The following DNAH9 variants were observed in gnomAD, a reference collection of about 807,000 sequenced individuals.
DNAH9 encodes the protein DNAH9 variant protein.
In DNAH9, 345 loss-of-function variants were observed where a neutral mutation model predicts 471.6. The observed-to-expected ratio is 0.73, with a 90% CI of 0.67 to 0.80. DNAH9 has a LOEUF of 0.80. Among genes scored for constraint, DNAH9 ranks in the 30% least tolerant of loss-of-function variants. DNAH9 has a pLI of 0.00. For missense variants in DNAH9, 5,407 were observed against 5,609.2 expected (o/e 0.96, Z 1.15); for synonymous variants, 2,093 against 2,123.6 (o/e 0.99, Z 0.40).
chr17:11,807,984 T>A, intron 44 of DNAH9, 90 bp downstream of exon 44: 1 of 1,383,714 alleles, frequency 7.2e-7, no homozygotes, highest in East Asian at 2.4e-5. Context: ...CCAGTTCCCC[T>A]GTCTGGAGCC....
At chr17:11,637,424 C>T (rs189338720) in intron 9 of DNAH9, among the ~76,000 whole-genome samples, 10 of 152,140 alleles carry the variant, frequency 6.6e-5, no homozygotes, top group Non-Finnish European at 8.8e-5. Flanking sequence ...GAGTGCTGCT[C>T]GGCTTGAGTT....
chr17:11,733,534 G>A (rs573135552), intron 28 of DNAH9, among the ~76,000 whole-genome samples: 18 of 152,272 alleles, frequency 1.2e-4, no homozygotes, highest in East Asian at 1.2e-3. Context: ...ACCACTGGAC[G>A]TCAGGGCTGG....
chr17:11,701,222 A>T lies in DNAH9; in HGVS notation c.5126A>T (p.Gln1709Leu). The T allele has an allele frequency of 1.2e-6, 2 of 1,613,808 alleles. No individual in the cohort carries two copies. Among genetic ancestry groups the T allele is most frequent in the Non-Finnish European group, 1.7e-6 (2 of 1,179,984 alleles). ...VTAYEEKPREQWLFDHPAQVA... is the reference protein window; with the variant it reads ...VTAYEEKPRELWLFDHPAQVA... ...GCCTATGAAGAAAAGCCGAGGGAGC[A>T]GTGGCTTTTTGACCACCCAGCTCAG... is the stretch of plus-strand genomic sequence containing the variant. Residue 1709 changes from glutamine to leucine, a missense_variant, in exon 24 of 69, where the codon CAG (glutamine) becomes CTG (leucine). This residue lies in a region of DNAH9 where 4,636 missense variants were observed against 4,900.3 expected (regional missense o/e 0.95). Coordinates refer to ENST00000262442, the MANE Select transcript of DNAH9 (RefSeq NM_001372.4).
chr17:11,768,393 C>A, intron 36 of DNAH9, 60 bp from the exon 37 acceptor site: 1 of 1,557,308 alleles, frequency 6.4e-7, no homozygotes, highest in Non-Finnish European at 8.8e-7. Flanking sequence ...GCCGTGGCCT[C>A]CTGTGTGGGC....
chr17:11,918,018 G>T (rs539621962), intron 61 of DNAH9, among the ~76,000 whole-genome samples: 4 of 152,134 alleles, frequency 2.6e-5, no homozygotes, highest in Non-Finnish European at 2.9e-5. Context: ...TGTGTATCCC[G>T]CCTTTGTCTT....
intron 9 of DNAH9, among the ~76,000 whole-genome samples, chr17:11,640,038 A>C (rs2073240507): frequency 6.6e-6 from 1 of 152,180 alleles, no homozygotes; most frequent in African/African-American, 2.4e-5. Context: ...GAGCAATGAA[A>C]TCAGAATAGC....
chr17:11,885,161 C>G (rs1972841509), intron 56 of DNAH9, among the ~76,000 whole-genome samples: 1 of 152,170 alleles, frequency 6.6e-6, no homozygotes, highest in African/African-American at 2.4e-5. Context: ...TAGGGCCTGG[C>G]CCTCTAAGGA....
At chr17:11,733,684 C>T (rs982293465) in intron 28 of DNAH9, among the ~76,000 whole-genome samples, 4 of 151,868 alleles carry the variant, frequency 2.6e-5, no homozygotes, top group Non-Finnish European at 4.4e-5. Context: ...AGTGAAACCC[C>T]GTCTCTACTA....
At chr17:11,697,139 G>A (rs1489601912) in intron 22 of DNAH9, among the ~76,000 whole-genome samples, 1 of 152,210 alleles carries the variant, frequency 6.6e-6, no homozygotes, top group Admixed American at 6.5e-5. Flanking sequence ...TTATAGGCAT[G>A]AGCCACCAGA....
At chr17:11,601,842 G>C (rs924185478) in intron 1 of DNAH9, among the ~76,000 whole-genome samples, 2 of 152,138 alleles carry the variant, frequency 1.3e-5, no homozygotes, top group African/African-American at 4.8e-5. Flanking sequence ...GAACCTACCT[G>C]GCTGAGAGAC....
chr17:11,804,187 A>G (rs1283562079), intron 43 of DNAH9, among the ~76,000 whole-genome samples: 1 of 152,264 alleles, frequency 6.6e-6, no homozygotes, highest in Non-Finnish European at 1.5e-5. Context: ...ATAAGACAGT[A>G]TAAGTTTCAC....
intron 28 of DNAH9, among the ~76,000 whole-genome samples, chr17:11,734,178 A>G (rs1387386420): frequency 6.6e-6 from 1 of 152,110 alleles, no homozygotes; most frequent in Non-Finnish European, 1.5e-5. Context: ...GCTTGTTAGA[A>G]ATGCAGAGTC....
rs111668827 is a variant in DNAH9, at chr17:11,757,318, GA to G, written c.6848-225del. Among the ~76,000 whole-genome samples, 779 of 152,178 alleles carry G rather than the reference GA, an allele frequency of 5.1e-3. 5 individuals carry two copies. Among genetic ancestry groups the G allele is most frequent in the African/African-American group, 0.018 (762 of 41,504 alleles). ...GGTTGGGCATTCTCCTAGCTTTTGA[GA>G]ATCTCTCTAGGATTCTCAAAGCTGC... is the stretch of plus-strand genomic sequence containing the variant. On this transcript the variant is annotated intron_variant, in intron 34 of 68. Coordinates refer to ENST00000262442, the MANE Select transcript of DNAH9 (RefSeq NM_001372.4).
At chr17:11,914,540 A>T (rs2151021995) in intron 61 of DNAH9, among the ~76,000 whole-genome samples, 1 of 152,316 alleles carries the variant, frequency 6.6e-6, no homozygotes, top group East Asian at 1.9e-4. Context: ...GACTCATGAG[A>T]AGTAAAAATT....
chr17:11,760,455 C>CT (rs1229157445), intron 35 of DNAH9, among the ~76,000 whole-genome samples: 1 of 152,130 alleles, frequency 6.6e-6, no homozygotes, highest in Non-Finnish European at 1.5e-5. Context: ...AGAGGCAACT[C>CT]TCCCCCGAAC....
chr17:11,648,154 A>G (rs1346343833), intron 12 of DNAH9, among the ~76,000 whole-genome samples: 1 of 152,218 alleles, frequency 6.6e-6, no homozygotes, highest in African/African-American at 2.4e-5. Context: ...CTAAGCTAAA[A>G]GCAGTCACCT....
chr17:11,766,845 C>T (rs1967961950), intron 36 of DNAH9, among the ~76,000 whole-genome samples: 1 of 152,068 alleles, frequency 6.6e-6, no homozygotes, highest in South Asian at 2.1e-4. Flanking sequence ...TGGCGGGTGC[C>T]TGTAATCCCA....
At chr17:11,930,608 C>CACCTGGAA (rs1974474549) in intron 63 of DNAH9, among the ~76,000 whole-genome samples, 1 of 152,012 alleles carries the variant, frequency 6.6e-6, no homozygotes, top group Non-Finnish European at 1.5e-5. Flanking sequence ...GCATCAGCAT[C>CACCTGGAA]ACCTGGAAAC....
chr17:11,961,605 G>A (rs1976188105), intron 67 of DNAH9, among the ~76,000 whole-genome samples: 1 of 152,192 alleles, frequency 6.6e-6, no homozygotes, highest in Admixed American at 6.5e-5. Flanking sequence ...TTGAAACACT[G>A]TGAGTAGAAC....
Sources: gnomAD v4.1 joint callset for allele counts (sites outside exome capture counted in the v4.1 genomes callset) on GRCh38, gnomAD v4.1.1 for gene constraint, gnomAD v4.1.1 regional missense constraint, MANE v1.5 for transcripts, NCBI Gene and HGNC (gene_info 2026-07-23, HGNC 2026-07-21) for gene names.